TMPRSS15: variants seen among roughly 807,000 people sequenced by gnomAD.
The protein encoded by TMPRSS15 is transmembrane serine protease 15.
In TMPRSS15, 128 loss-of-function variants were observed where a neutral mutation model predicts 125.3. The ratio of observed to expected loss-of-function variants is 1.02; its 90% CI spans 0.89 to 1.18. The LOEUF (loss-of-function observed/expected upper bound fraction) is 1.18. Ranked by LOEUF, TMPRSS15 falls within the 50% of genes most tolerant of loss-of-function variation. The pLI is 0.00. For missense variants in TMPRSS15, 1,283 were observed against 1,212.7 expected (o/e 1.06, Z -0.86); for synonymous variants, 446 against 423.2 (o/e 1.05, Z -0.66).
intron 21 of TMPRSS15, among the ~76,000 whole-genome samples, chr21:18,283,573 T>C (rs974676428): frequency 3.0e-4 from 45 of 151,938 alleles, no homozygotes; most frequent in African/African-American, 1.0e-3. Flanking sequence ...AAATATTACC[T>C]ATATTAATGA....
intron 1 of TMPRSS15, among the ~76,000 whole-genome samples, chr21:18,413,604 A>AT (rs1743091457): frequency 9.5e-6 from 1 of 104,850 alleles, no homozygotes; most frequent in Non-Finnish European, 2.0e-5. Flanking sequence ...TTTTTTTTCT[A>AT]TTTTTAATAG....
chr21:18,323,152 A>G (rs1011672196), intron 16 of TMPRSS15, among the ~76,000 whole-genome samples: 1 of 152,180 alleles, frequency 6.6e-6, no homozygotes, highest in Non-Finnish European at 1.5e-5. Flanking sequence ...TAGGGGTTTA[A>G]AGACCTACTT....
chr21:18,356,188 T>C (rs538732720), intron 8 of TMPRSS15, among the ~76,000 whole-genome samples: 1 of 151,728 alleles, frequency 6.6e-6, no homozygotes, highest in Non-Finnish European at 1.5e-5. Context: ...GGTGAATAGG[T>C]TTTGTGAAAG....
At chr21:18,387,222 G>A (rs1374260709) in intron 3 of TMPRSS15, among the ~76,000 whole-genome samples, 1 of 151,852 alleles carries the variant, frequency 6.6e-6, no homozygotes, top group African/African-American at 2.4e-5. Flanking sequence ...TCTTCCTTTA[G>A]GTTAAAAAAA....
At chr21:18,436,328 T>C (rs2076227816) in intron 1 of TMPRSS15, among the ~76,000 whole-genome samples, 1 of 152,154 alleles carries the variant, frequency 6.6e-6, no homozygotes, top group Non-Finnish European at 1.5e-5. Flanking sequence ...TCTGGTATGT[T>C]GTGTTTTTGT....
intron 4 of TMPRSS15, 28 bp downstream of exon 4, chr21:18,383,599 A>G: frequency 6.2e-7 from 1 of 1,611,074 alleles, no homozygotes; most frequent in Non-Finnish European, 8.5e-7. Context: ...TTAATGATTC[A>G]AAGAAATCAA....
rs144758205 is a variant in TMPRSS15 at position 18,315,326 on chromosome 21, C to T, written c.1922-70G>A. On this transcript the variant is annotated intron_variant, in intron 16 of 24. Transcript: ENST00000284885. Reference sequence around the variant, plus strand: ...ATGGATGATTCTGGAGTACAAATCCCATTTGCTCCCCTTTAAACATGAGTC... The same window carrying T: ...ATGGATGATTCTGGAGTACAAATCCTATTTGCTCCCCTTTAAACATGAGTC... 423 of 1,310,966 alleles carry T rather than the reference C, an allele frequency of 3.2e-4. No homozygotes were observed. The African/African-American group carries it at 5.3e-3, about 17-fold the overall frequency. 81.2% of individuals were successfully genotyped at this position (1,310,966 alleles called of 1,614,324 possible). A position where few individuals can be genotyped will look rare whatever the true frequency, so the allele number is the denominator to read the frequency against.
intron 3 of TMPRSS15, among the ~76,000 whole-genome samples, chr21:18,388,881 T>C (rs886821703): frequency 6.6e-6 from 1 of 152,154 alleles, no homozygotes; most frequent in African/African-American, 2.4e-5. Flanking sequence ...TGTCTGTGTT[T>C]CTCCTTTTAG....
chr21:18,374,122 A>G (rs1009446731), intron 5 of TMPRSS15, among the ~76,000 whole-genome samples: 1 of 152,204 alleles, frequency 6.6e-6, no homozygotes, highest in African/African-American at 2.4e-5. Context: ...TTTTTGATGT[A>G]CACCTAGAAA....
At chr21:18,379,007 C>G (rs1159066975) in intron 5 of TMPRSS15, among the ~76,000 whole-genome samples, 3 of 152,050 alleles carry the variant, frequency 2.0e-5, no homozygotes, top group African/African-American at 7.2e-5. Flanking sequence ...TTTGATACTA[C>G]TGGTGATATT....
At chr21:18,424,895 T>G (rs923711035) in intron 1 of TMPRSS15, among the ~76,000 whole-genome samples, 1 of 149,108 alleles carries the variant, frequency 6.7e-6, no homozygotes, top group Non-Finnish European at 1.5e-5. Context: ...TGTATTCATA[T>G]ATATTAATTC....
At chr21:18,286,086 A>C (rs2074760117) in intron 21 of TMPRSS15, among the ~76,000 whole-genome samples, 1 of 152,164 alleles carries the variant, frequency 6.6e-6, no homozygotes, top group African/African-American at 2.4e-5. Flanking sequence ...TTATTCCTGA[A>C]ACTTAAGGAA....
At chr21:18,351,541 A>G (rs1240672983) in intron 10 of TMPRSS15, among the ~76,000 whole-genome samples, 1 of 152,084 alleles carries the variant, frequency 6.6e-6, no homozygotes, top group Non-Finnish European at 1.5e-5. Flanking sequence ...TATGTGTTTG[A>G]CATTTCTTCC....
chr21:18,386,600 A>G (rs550872923), intron 3 of TMPRSS15, among the ~76,000 whole-genome samples: 1 of 151,134 alleles, frequency 6.6e-6, no homozygotes, highest in South Asian at 2.1e-4. Flanking sequence ...TTTTCCTCCT[A>G]CTCCTTTTTC....
chr21:18,359,626 A>G, intron 8 of TMPRSS15, 131 bp downstream of exon 8: 1 of 528,098 alleles, frequency 1.9e-6, no homozygotes, highest in South Asian at 2.3e-5. Flanking sequence ...ATGAGAAGCA[A>G]TTGTTTTTTT....
At chr21:18,322,995 CAT>C (rs889979389) in intron 16 of TMPRSS15, among the ~76,000 whole-genome samples, 10 of 152,252 alleles carry the variant, frequency 6.6e-5, no homozygotes, top group African/African-American at 1.9e-4. Flanking sequence ...ACTCCATAAA[CAT>C]GTGTAATTAT....
intron 1 of TMPRSS15, among the ~76,000 whole-genome samples, chr21:18,460,908 T>C (rs1030075966): frequency 2.6e-5 from 4 of 152,198 alleles, no homozygotes; most frequent in Non-Finnish European, 5.9e-5. Context: ...TTTCCTTCAA[T>C]GGCTGTGCAT....
intron 13 of TMPRSS15, among the ~76,000 whole-genome samples, chr21:18,340,479 A>G (rs1237978774): frequency 4.6e-5 from 7 of 152,160 alleles, no homozygotes; most frequent in Admixed American, 4.6e-4. Context: ...CAGATGGCCT[A>G]TTATGAAATT....
At chr21:18,423,517 T>C (rs370151240) in intron 1 of TMPRSS15, among the ~76,000 whole-genome samples, 1 of 151,146 alleles carries the variant, frequency 6.6e-6, no homozygotes, top group South Asian at 2.1e-4. Context: ...CAGGCCATTC[T>C]CCTGCCTCAG....
Sources: gnomAD v4.1 joint callset for allele counts (sites outside exome capture counted in the v4.1 genomes callset) on GRCh38, gnomAD v4.1.1 for gene constraint, MANE v1.5 for transcripts, NCBI Gene and HGNC (gene_info 2026-07-23, HGNC 2026-07-21) for gene names.